The following FBF1 variants were observed in gnomAD, a reference collection of about 807,000 sequenced individuals.
FBF1 encodes Fas binding factor 1.
FBF1 carries 119 observed loss-of-function variants against 147.2 expected under a neutral mutation model. That is an observed-to-expected ratio of 0.81 (90% CI 0.70 to 0.94). The LOEUF is 0.94. Among genes scored for constraint, FBF1 ranks in the 40% least tolerant of loss-of-function variants. FBF1 has a pLI of 0.00. For missense variants in FBF1, 1,449 were observed against 1,500.8 expected, an observed-to-expected ratio of 0.97 and a Z score of 0.57; for synonymous variants, 601 against 609.0, an observed-to-expected ratio of 0.99 and a Z score of 0.19.
intron 5 of FBF1, among the ~76,000 whole-genome samples, chr17:75,931,807 G>A (rs78522059): frequency 6.6e-6 from 1 of 151,224 alleles, no homozygotes; most frequent in Non-Finnish European, 1.5e-5. Context: ...AAAAAAAAAA[G>A]TAAGAAAAAC....
intron 28 of FBF1, 121 bp downstream of exon 28, chr17:75,913,581 A>G: frequency 1.6e-6 from 1 of 629,808 alleles, no homozygotes; most frequent in East Asian, 2.9e-5. Flanking sequence ...AAAAAGAAAT[A>G]AGGCGACTAT....
intron 1 of FBF1, among the ~76,000 whole-genome samples, chr17:75,940,443 C>T (rs1391570806): frequency 6.6e-6 from 1 of 151,920 alleles, no homozygotes. Context: ...TTTGTAGAGA[C>T]GGGGGTCTCC....
At chr17:75,929,912 AAGG>A in intron 7 of FBF1, 82 bp downstream of exon 7, 3 of 1,167,930 alleles carry the variant, frequency 2.6e-6, no homozygotes, top group Non-Finnish European at 3.8e-6. Flanking sequence ...GAGAAATTAG[AAGG>A]AGAATGAAGC....
intron 28 of FBF1, chr17:75,913,470 C>CT (rs577427811): frequency 4.6e-3 from 1,897 of 413,016 alleles, no homozygotes; most frequent in Middle Eastern, 7.7e-3. Context: ...TTTTTATTTC[C>CT]TTTTTTTTTC....
intron 1 of FBF1, among the ~76,000 whole-genome samples, chr17:75,938,803 T>C (rs1029925495): frequency 1.3e-5 from 2 of 150,342 alleles, no homozygotes; most frequent in Non-Finnish European, 3.0e-5. Flanking sequence ...TAGACGGAGG[T>C]TGCAGTGAGC....
intron 1 of FBF1, among the ~76,000 whole-genome samples, chr17:75,939,273 G>A (rs2065644741): frequency 7.2e-6 from 1 of 138,214 alleles, no homozygotes; most frequent in Non-Finnish European, 1.5e-5. Context: ...TCCAGCCTGG[G>A]CAACATGCGA....
At chr17:75,939,216 A>G (rs2065644352) in intron 1 of FBF1, among the ~76,000 whole-genome samples, 1 of 150,686 alleles carries the variant, frequency 6.6e-6, no homozygotes, top group African/African-American at 2.5e-5. Context: ...GACTAGGTTG[A>G]ACCTAGGAGG....
rs1022844760 is a variant in FBF1 at position 75,923,839 on chromosome 17, T to G, written c.969-198A>C. The stretch of plus-strand genomic sequence containing the variant: ...CACCACGAAGTACAGAGACCTTGAC[T>G]TCCATCACATGAACCAGGGACAGTT... On this transcript the variant is annotated intron_variant, in intron 13 of 29. Transcript: ENST00000636174. This position sits in a 1 kb window ranked among gnomAD's most constrained non-coding sequence, Gnocchi z 4.1. Among the ~76,000 whole-genome samples, 1 of 152,128 alleles carries G rather than the reference T, an allele frequency of 6.6e-6. No individual in the cohort carries two copies. The highest frequency in any genetic ancestry group is 1.5e-5 in the Non-Finnish European group (1 of 68,018).
rs1264118505 is a variant in FBF1 at position 75,919,799 on chromosome 17, T to A, written c.2007A>T (p.Ser669=). The part of the protein sequence containing the change: ...ERLRRENEEL[S]ARYLSQCQEA... Reference sequence around the variant, plus strand: ...CCTGGCACTGCGACAGATACCGAGCTGACAGCTCTTCGTTCTCTCTCCGGA... The same window carrying A: ...CCTGGCACTGCGACAGATACCGAGCAGACAGCTCTTCGTTCTCTCTCCGGA... Residue 669 remains serine, a synonymous_variant, in exon 20 of 30, where the codon TCA becomes TCT. Transcript: ENST00000636174. This position sits in a 1 kb window ranked among gnomAD's most constrained non-coding sequence, Gnocchi z 5.0. 1.2e-6 allele frequency: 2 copies of A among 1,613,860 alleles called. No homozygotes were observed. The highest frequency in any genetic ancestry group is 1.7e-6 in the Non-Finnish European group (2 of 1,179,886).
intron 3 of FBF1, among the ~76,000 whole-genome samples, chr17:75,936,314 A>G (rs1472803586): frequency 6.7e-6 from 1 of 149,810 alleles, no homozygotes; most frequent in Admixed American, 6.6e-5. Flanking sequence ...ACGCCGTCTC[A>G]AAAAACAACA....
At chr17:75,915,553 G>A (rs1477418504) in intron 23 of FBF1, among the ~76,000 whole-genome samples, 1 of 152,214 alleles carries the variant, frequency 6.6e-6, no homozygotes, top group Non-Finnish European at 1.5e-5. Flanking sequence ...CACTGTGCCT[G>A]ACCCCAGGCA....
At chr17:75,921,833 C>CACGGGG (rs141319041) in intron 15 of FBF1, 112 bp downstream of exon 15, 70,148 of 967,266 alleles carry the variant, frequency 0.073, 3,494 homozygotes, top group Non-Finnish European at 0.089. Flanking sequence ...CTGTGTGGGA[C>CACGGGG]ACGGGGACGG....
intron 7 of FBF1, among the ~76,000 whole-genome samples, chr17:75,929,079 C>G (rs1277039228): frequency 4.0e-5 from 6 of 151,572 alleles, no homozygotes; most frequent in Admixed American, 3.9e-4. Flanking sequence ...CAGCCTCCAA[C>G]TCCTAGGCTC....
intron 23 of FBF1, among the ~76,000 whole-genome samples, chr17:75,916,153 C>G (rs2065487963): frequency 6.9e-6 from 1 of 145,486 alleles, no homozygotes; most frequent in Non-Finnish European, 1.5e-5. Context: ...ACCCCCGTTT[C>G]TACAAAAAAT....
rs1158732864 is a variant in FBF1, at chr17:75,914,252, T to A, written c.2861A>T (p.Glu954Val). 9 of 1,593,758 alleles carry A rather than the reference T, an allele frequency of 5.6e-6. No individual in the cohort carries two copies. Among genetic ancestry groups the A allele is most frequent in the Non-Finnish European group, 7.7e-6 (9 of 1,173,028 alleles). Residue 954 changes from glutamate (E) to valine (V), a missense_variant, in exon 26 of 30, where the codon GAG becomes GTG. Physicochemically the swap from Glu to Val is moderately radical, Grantham distance 121. Coordinates refer to ENST00000636174, the MANE Select transcript of FBF1 (RefSeq NM_001319193.2). ...KIRASELRAE[E>V]KQLAAERAAL... ...TGCTCTCTCCGCTGCCAGCTGCTTC[T>A]CCTCGGCCCGGAGCTCGCTGGCCCT... is the stretch of plus-strand genomic sequence containing the variant.
chr17:75,939,317 A>AAAAAC (rs375216079), intron 1 of FBF1, among the ~76,000 whole-genome samples: 2 of 140,696 alleles, frequency 1.4e-5, no homozygotes, highest in Admixed American at 7.0e-5. Context: ...AAAAAAAAAA[A>AAAAAC]CGTGCTCTGG....
In FBF1 at chr17:75,933,016, G is replaced by A. The variant is rs1437094728; in HGVS notation, c.146C>T (p.Pro49Leu). The change falls in exon 5 of 30, where the codon CCT becomes CTT. Residue 49 changes from proline to leucine, a missense_variant. Coordinates refer to ENST00000636174, the MANE Select transcript of FBF1 (RefSeq NM_001319193.2). ...TTACTTTGTTCTCGCCTTTGAAGAAGGGAACATCTGAGATACACCTGTGGT... is the reference window on the plus strand; with the variant it reads ...TTACTTTGTTCTCGCCTTTGAAGAAAGGAACATCTGAGATACACCTGTGGT... ...RDTTGVSQMF[P>L]SSKARTKSLL... 1 of 1,602,016 alleles carries A rather than the reference G, an allele frequency of 6.2e-7. No individual in the cohort carries two copies. Among genetic ancestry groups the A allele is most frequent in the African/African-American group, 1.3e-5 (1 of 74,838 alleles).
intron 23 of FBF1, among the ~76,000 whole-genome samples, chr17:75,916,263 T>C (rs2144157340): frequency 6.6e-6 from 1 of 151,990 alleles, no homozygotes. Context: ...CAAGCTGCAG[T>C]GGGCTGAGAT....
In FBF1 at chr17:75,926,049, C is replaced by A. The variant is rs1397280656; in HGVS notation, c.849G>T (p.Lys283Asn). The part of the protein sequence containing the change: ...TGEHREFKLD[K>N]KYQRPQDSED... ...CCTTACCCTGTGGCCTCTGGTACTT[C>A]TTGTCTAGCTTGAACTCCCTGTGCT... Residue 283 changes from lysine to asparagine, a missense_variant, in exon 12 of 30, where the codon AAG (lysine) becomes AAT (asparagine). Coordinates refer to ENST00000636174, the MANE Select transcript of FBF1 (RefSeq NM_001319193.2). The A allele has an allele frequency of 5.0e-6, 8 of 1,611,778 alleles. No individual in the cohort carries two copies. In the Admixed American group the frequency reaches 1.3e-4, roughly 27 times the overall value.
Sources: allele counts gnomAD v4.1 joint callset (sites outside exome capture counted in the v4.1 genomes callset), GRCh38; gene constraint gnomAD v4.1.1; non-coding constraint Gnocchi (gnomAD v3.1); transcripts MANE v1.5; gene names NCBI Gene and HGNC (gene_info 2026-07-23, HGNC 2026-07-21).